PHF24: variants seen among roughly 807,000 people sequenced by gnomAD.
PHF24 encodes the protein Galpha inhibitory interacting protein.
In PHF24, 25 loss-of-function variants were observed where a neutral mutation model predicts 42.6. The observed-to-expected ratio is 0.59, with a 90% CI of 0.43 to 0.82. PHF24 has a LOEUF of 0.82. PHF24 is among the 40% of genes least tolerant of loss of function. The probability of loss-of-function intolerance (pLI) is 0.00; values close to 1 mark genes in which losing one functional copy is unlikely to be tolerated. For missense variants in PHF24, 470 were observed against 538.1 expected (o/e 0.87, Z 1.25); for synonymous variants, 185 against 204.8 (o/e 0.90, Z 0.83).
At chr9:34,844,702 T>C in the PHF24 span, among the ~76,000 whole-genome samples, 1 of 152,224 alleles carries the variant, frequency 6.6e-6, no homozygotes, top group African/African-American at 2.4e-5. Flanking sequence ...CTTAAATGTG[T>C]TATTTCACTC....
chr9:34,724,945 C>G, the PHF24 span: 2 of 1,551,390 alleles, frequency 1.3e-6, no homozygotes, highest in African/African-American at 2.7e-5. Context: ...CTTCCACAGA[C>G]AAGACTCGGA....
the PHF24 span, among the ~76,000 whole-genome samples, chr9:34,809,500 G>C: frequency 3.3e-5 from 5 of 152,206 alleles, no homozygotes; most frequent in African/African-American, 1.2e-4. This position sits in a 1 kb window ranked among gnomAD's most constrained non-coding sequence, Gnocchi z 4.1. Flanking sequence ...TTTCCTGCTG[G>C]AGATGGGAGA....
At chr9:34,774,994 T>G in the PHF24 span, among the ~76,000 whole-genome samples, 2 of 152,194 alleles carry the variant, frequency 1.3e-5, no homozygotes, top group Non-Finnish European at 2.9e-5. Context: ...GGGAAAACAG[T>G]ATGGTAGTTC....
upstream of PHF24, among the ~76,000 whole-genome samples, chr9:34,958,141 GCGCGCC>G: frequency 6.8e-6 from 1 of 148,114 alleles, no homozygotes; most frequent in Non-Finnish European, 1.5e-5. The surrounding 1 kb of genome is among the most constrained non-coding windows in gnomAD (Gnocchi z 4.5). Flanking sequence ...GCGGGGCGGG[GCGCGCC>G]CACCGGCCGG....
At chr9:34,958,248 C>CGCT, upstream of PHF24, 1 of 156,234 alleles carries the variant, frequency 6.4e-6, no homozygotes. This position sits in a 1 kb window ranked among gnomAD's most constrained non-coding sequence, Gnocchi z 4.5. Flanking sequence ...CCGCCGCCGC[C>CGCT]GCCGCCGCCT....
the PHF24 span, among the ~76,000 whole-genome samples, chr9:34,854,237 T>A: frequency 6.6e-6 from 1 of 151,258 alleles, no homozygotes; most frequent in Non-Finnish European, 1.5e-5. Context: ...TCCAGATTCG[T>A]TGCTTTTTTG....
chr9:34,890,359 C>A, the PHF24 span, among the ~76,000 whole-genome samples: 1 of 152,198 alleles, frequency 6.6e-6, no homozygotes, highest in Non-Finnish European at 1.5e-5. Context: ...GACTTGTCCT[C>A]ACTTTTGCAA....
the PHF24 span, among the ~76,000 whole-genome samples, chr9:34,940,430 TG>T: frequency 6.6e-6 from 1 of 151,532 alleles, no homozygotes; most frequent in Non-Finnish European, 1.5e-5. Flanking sequence ...TCTTGACTGG[TG>T]AGCCACCTTT....
chr9:34,812,736 C>T, the PHF24 span, among the ~76,000 whole-genome samples: 1 of 152,158 alleles, frequency 6.6e-6, no homozygotes, highest in African/African-American at 2.4e-5. Flanking sequence ...TCAAATAAAC[C>T]CTTTGCTTTC....
chr9:34,866,760 G>C, the PHF24 span, among the ~76,000 whole-genome samples: 1 of 152,176 alleles, frequency 6.6e-6, no homozygotes, highest in African/African-American at 2.4e-5. Flanking sequence ...CCTCACTGCA[G>C]GGCTCTTGGA....
At chr9:34,758,469 A>G in the PHF24 span, among the ~76,000 whole-genome samples, 1 of 152,196 alleles carries the variant, frequency 6.6e-6, no homozygotes, top group South Asian at 2.1e-4. The surrounding 1 kb of genome is among the most constrained non-coding windows in gnomAD (Gnocchi z 4.4). Context: ...TATAGGCAGC[A>G]GGGATTGCTT....
At chr9:34,684,064 A>C in the PHF24 span, among the ~76,000 whole-genome samples, 456 of 152,144 alleles carry the variant, frequency 3.0e-3, 2 homozygotes, top group Non-Finnish European at 5.2e-3. Context: ...GGGTCTTTTT[A>C]ATAAACTCCT....
At chr9:34,815,344 A>G in the PHF24 span, among the ~76,000 whole-genome samples, 1 of 151,920 alleles carries the variant, frequency 6.6e-6, no homozygotes, top group African/African-American at 2.4e-5. Flanking sequence ...TGTTTTTGAA[A>G]TGTAGTCTCG....
the PHF24 span, chr9:34,832,332 C>T: frequency 2.5e-5 from 17 of 679,448 alleles, no homozygotes; most frequent in East Asian, 2.5e-4. Context: ...ACAAGCCACT[C>T]AAGGACAGTG....
the PHF24 span, among the ~76,000 whole-genome samples, chr9:34,926,921 G>A: frequency 3.3e-5 from 5 of 152,142 alleles, no homozygotes; most frequent in Admixed American, 1.3e-4. This position sits in a 1 kb window ranked among gnomAD's most constrained non-coding sequence, Gnocchi z 4.3. Context: ...TGCCTACCGG[G>A]GGCAGCCTGA....
chr9:34,877,394 C>T, the PHF24 span, among the ~76,000 whole-genome samples: 2 of 151,946 alleles, frequency 1.3e-5, no homozygotes, highest in African/African-American at 4.8e-5. Context: ...TGTATGATTT[C>T]ACTTATATGA....
chr9:34,746,268 C>T, the PHF24 span, among the ~76,000 whole-genome samples: 1 of 152,200 alleles, frequency 6.6e-6, no homozygotes, highest in Non-Finnish European at 1.5e-5. Context: ...TCCTCTCAGT[C>T]TCTGATTGAA....
chr9:34,837,096 T>G, the PHF24 span: 1 of 471,344 alleles, frequency 2.1e-6, no homozygotes, highest in East Asian at 6.9e-5. Context: ...CTCTTGTGGC[T>G]TCTGATCTTC....
intron 1 of PHF24, among the ~76,000 whole-genome samples, chr9:34,963,108 A>T (rs1231267900): frequency 6.6e-6 from 1 of 152,182 alleles, no homozygotes; most frequent in Non-Finnish European, 1.5e-5. Context: ...GGCTACTGCC[A>T]GGTGACAAAA....
Sources: allele counts gnomAD v4.1 joint callset (sites outside exome capture counted in the v4.1 genomes callset), GRCh38; gene constraint gnomAD v4.1.1; non-coding constraint Gnocchi (gnomAD v3.1); transcripts MANE v1.5; gene names NCBI Gene and HGNC (gene_info 2026-07-23, HGNC 2026-07-21).